Variants in ABCC4 observed in about 807,000 individuals in gnomAD.
ABCC4 encodes ATP binding cassette subfamily C member 4 (PEL blood group), also known as ATP-binding cassette sub-family C member 4.
A neutral mutation model predicts 168.5 loss-of-function variants in ABCC4; 102 were observed. That is an observed-to-expected ratio of 0.61 (90% CI 0.52 to 0.71). ABCC4 has a LOEUF of 0.71. Among genes scored for constraint, ABCC4 ranks in the 30% least tolerant of loss-of-function variants. The pLI, the probability that ABCC4 is intolerant of heterozygous loss-of-function variation, is 0.00. For missense variants in ABCC4, 1,402 were observed against 1,605.8 expected, an observed-to-expected ratio of 0.87 and a Z score of 2.17; for synonymous variants, 617 against 590.7, an observed-to-expected ratio of 1.04 and a Z score of -0.65.
At chr13:95,201,385 G>GTT (rs1303981154) in intron 8 of ABCC4, among the ~76,000 whole-genome samples, 2 of 152,168 alleles carry the variant, frequency 1.3e-5, no homozygotes, top group Non-Finnish European at 2.9e-5. Context: ...TCTGATGTGT[G>GTT]ACATAATTCA....
Position 95,164,516 on chromosome 13 carries a change from T to C in ABCC4, c.2037A>G (p.Thr679=). Residue 679 remains threonine (T), a splice_region_variant and synonymous_variant, in exon 16 of 31, where the codon ACA becomes ACG. Coordinates refer to ENST00000645237, the MANE Select transcript of ABCC4 (RefSeq NM_005845.5). ...CTGATAGTGTAACTGGGACATTCTC[T>C]GTCTGCAGAGGAAAAAAGGTGGTAA... ...LKDGALESQD[T]ENVPVTLSEE... is the part of the protein sequence containing the mutation. 1 of 1,614,108 alleles carries C rather than the reference T, an allele frequency of 6.2e-7. No individual in the cohort carries two copies. The highest frequency in any genetic ancestry group is 8.5e-7 in the Non-Finnish European group (1 of 1,179,992).
intron 20 of ABCC4, among the ~76,000 whole-genome samples, chr13:95,110,137 C>CA (rs1242787918): frequency 6.6e-6 from 1 of 151,906 alleles, no homozygotes; most frequent in African/African-American, 2.4e-5. Context: ...CGTGAAACCC[C>CA]ATCTCTACTA....
At chr13:95,028,477 C>T (rs539867093) in intron 30 of ABCC4, among the ~76,000 whole-genome samples, 28 of 152,094 alleles carry the variant, frequency 1.8e-4, no homozygotes, top group Non-Finnish European at 3.5e-4. Flanking sequence ...ACCGCTACCA[C>T]CAAAAAGTTT....
intron 1 of ABCC4, among the ~76,000 whole-genome samples, chr13:95,299,015 G>A (rs1238768026): frequency 3.3e-5 from 5 of 152,060 alleles, no homozygotes; most frequent in Non-Finnish European, 5.9e-5. Context: ...GACTTTGGGT[G>A]GCCGAAGCGG....
At chr13:95,079,081 G>C (rs555987722) in intron 21 of ABCC4, among the ~76,000 whole-genome samples, 12 of 152,134 alleles carry the variant, frequency 7.9e-5, no homozygotes, top group Admixed American at 4.6e-4. Context: ...TGAAAAGATA[G>C]TCCTTTCTCT....
intron 19 of ABCC4, among the ~76,000 whole-genome samples, chr13:95,157,933 G>A (rs1231409743): frequency 6.6e-6 from 1 of 152,054 alleles, no homozygotes; most frequent in Non-Finnish European, 1.5e-5. Context: ...TTAGCCGGGC[G>A]TGGTGGTGGG....
chr13:95,260,595 C>A (rs1339250607), intron 1 of ABCC4, among the ~76,000 whole-genome samples: 4 of 151,990 alleles, frequency 2.6e-5, no homozygotes, highest in Admixed American at 2.6e-4. Flanking sequence ...ACCAAGAAGA[C>A]AAAGGAGGAA....
intron 4 of ABCC4, among the ~76,000 whole-genome samples, chr13:95,234,279 T>C (rs1243171987): frequency 6.6e-6 from 1 of 152,226 alleles, no homozygotes; most frequent in African/African-American, 2.4e-5. Context: ...TTTAATTAGA[T>C]TTCATTATAA....
intron 20 of ABCC4, among the ~76,000 whole-genome samples, chr13:95,109,452 T>C (rs1395213782): frequency 6.6e-6 from 1 of 151,916 alleles, no homozygotes; most frequent in Non-Finnish European, 1.5e-5. Context: ...ACATAGTTTC[T>C]TTCCAAAAGT....
chr13:95,248,372 G>C (rs946704772), intron 1 of ABCC4, among the ~76,000 whole-genome samples: 5 of 152,200 alleles, frequency 3.3e-5, no homozygotes, highest in Non-Finnish European at 5.9e-5. Flanking sequence ...AAACCAGTCA[G>C]TGAAGGTTTG....
intron 20 of ABCC4, among the ~76,000 whole-genome samples, chr13:95,103,849 C>CT (rs2034900834): frequency 6.6e-6 from 1 of 152,134 alleles, no homozygotes; most frequent in Non-Finnish European, 1.5e-5. Context: ...CTGATCTCCT[C>CT]TAATGCCTTG....
chr13:95,140,950 C>A (rs2036299817), intron 19 of ABCC4, among the ~76,000 whole-genome samples: 1 of 152,236 alleles, frequency 6.6e-6, no homozygotes, highest in Non-Finnish European at 1.5e-5. Context: ...TCCTTGCAGA[C>A]CATGACCTTA....
At chr13:95,222,130 T>G (rs1348820518) in intron 4 of ABCC4, among the ~76,000 whole-genome samples, 1 of 152,156 alleles carries the variant, frequency 6.6e-6, no homozygotes, top group African/African-American at 2.4e-5. Flanking sequence ...ATCTATTCAG[T>G]AAGGAAGTTA....
Position 95,210,710 on chromosome 13 carries a change from A to C in ABCC4, c.603T>G (p.Asp201Glu). ...TGQIVNLLSN[D>E]VNKFDQVTVF... ...AGCTTACCTGATCAAACTTGTTCAC[A>C]TCATTGGACAGCAGATTGACTATCT... Residue 201 changes from aspartate to glutamate, a missense_variant, in exon 5 of 31, where the codon GAT becomes GAG. By Grantham distance (45) the Asp-to-Glu change is conservative. This residue lies in a region of ABCC4 where 317 missense variants were observed against 345.5 expected (regional missense o/e 0.92). Coordinates refer to ENST00000645237, the MANE Select transcript of ABCC4 (RefSeq NM_005845.5). The C allele has an allele frequency of 6.2e-7, 1 of 1,614,168 alleles. No homozygotes were observed. The highest frequency in any genetic ancestry group is 8.5e-7 in the Non-Finnish European group (1 of 1,180,012).
At chr13:95,074,953 AT>A (rs2033847994) in intron 22 of ABCC4, 1 of 153,870 alleles carries the variant, frequency 6.5e-6, no homozygotes, top group Non-Finnish European at 1.4e-5. Context: ...TATTGAAAAA[AT>A]CTTCACTGAT....
In ABCC4 at chr13:95,209,563, G is replaced by T. The variant is rs2038891094; in HGVS notation, c.656C>A (p.Pro219Gln). ...TVFLHFLWAG[P>Q]LQAIAVTALL... ...GGCAGTCACTGCAATCGCCTGCAGT[G>T]GTCCTGCCCACAGGAAGTGTAAGAA... The change falls in exon 6 of 31, where the codon CCA becomes CAA. Residue 219 changes from proline (P) to glutamine (Q), a missense_variant. Pro to Gln is a moderately conservative substitution (Grantham distance 76, BLOSUM62 -1). Coordinates refer to ENST00000645237, the MANE Select transcript of ABCC4 (RefSeq NM_005845.5). 6.2e-7 allele frequency: 1 copy of T among 1,613,788 alleles called. No homozygotes were observed. Among genetic ancestry groups the T allele is most frequent in the Admixed American group, 1.7e-5 (1 of 59,968 alleles).
chr13:95,195,262 T>C (rs1175344607), intron 8 of ABCC4, among the ~76,000 whole-genome samples: 1 of 152,254 alleles, frequency 6.6e-6, no homozygotes, highest in Non-Finnish European at 1.5e-5. Context: ...TCTACTGTTG[T>C]ACTTTTGTGT....
rs565491171 is a variant in ABCC4, at chr13:95,120,192, T to G, written c.2456-4191A>C. On this transcript the variant is annotated intron_variant, in intron 19 of 30. Coordinates refer to ENST00000645237, the MANE Select transcript of ABCC4 (RefSeq NM_005845.5). The stretch of plus-strand genomic sequence containing the variant: ...GTAAAAGTAGATGTGTTTAGTGAAC[T>G]CTTCAATTTTGTAAACTTCTTTATA... Among the ~76,000 whole-genome samples the G allele has an allele frequency of 5.8e-5, 7 of 120,662 alleles. No individual in the cohort carries two copies. In the East Asian group the frequency reaches 9.1e-4, roughly 16 times the overall value. 79.2% of individuals were successfully genotyped at this position (120,662 alleles called of 152,430 possible).
At chr13:95,216,541 C>T (rs1183861876) in intron 4 of ABCC4, among the ~76,000 whole-genome samples, 2 of 144,588 alleles carry the variant, frequency 1.4e-5, no homozygotes, top group African/African-American at 2.6e-5. Context: ...CCCTACATAT[C>T]GATATGAATT....
Sources: allele counts gnomAD v4.1 joint callset (sites outside exome capture counted in the v4.1 genomes callset), GRCh38; gene constraint gnomAD v4.1.1; regional missense constraint gnomAD v4.1.1; transcripts MANE v1.5; gene names NCBI Gene and HGNC (gene_info 2026-07-23, HGNC 2026-07-21).